DPP10: variants seen among roughly 807,000 people sequenced by gnomAD.
The protein encoded by DPP10 is inactive dipeptidyl peptidase 10.
A neutral mutation model predicts 120.9 loss-of-function variants in DPP10; 33 were observed. That is an observed-to-expected ratio of 0.27 (90% CI 0.21 to 0.37). DPP10 has a LOEUF of 0.37. Among genes scored for constraint, DPP10 ranks in the 10% least tolerant of loss-of-function variants. The pLI is 1.00. For missense variants in DPP10, 816 were observed against 942.8 expected, an observed-to-expected ratio of 0.87 and a Z score of 1.76; for synonymous variants, 337 against 326.1, an observed-to-expected ratio of 1.03 and a Z score of -0.36.
At chr2:114,924,172 C>A (rs1695420318) in intron 1 of DPP10, among the ~76,000 whole-genome samples, 1 of 152,152 alleles carries the variant, frequency 6.6e-6, no homozygotes. Context: ...CTAAAACCAG[C>A]TCATAATAGA....
intron 1 of DPP10, among the ~76,000 whole-genome samples, chr2:115,192,100 C>T (rs2054924505): frequency 6.6e-6 from 1 of 152,096 alleles, no homozygotes; most frequent in African/African-American, 2.4e-5. Flanking sequence ...ATATCCAGTA[C>T]CTGGGCTAAT....
chr2:114,918,079 A>G (rs1308818698), intron 1 of DPP10, among the ~76,000 whole-genome samples: 2 of 152,186 alleles, frequency 1.3e-5, no homozygotes, highest in Admixed American at 6.5e-5. Flanking sequence ...TATCAAGTCT[A>G]TAGAGAACTT....
At chr2:114,812,260 TAA>T (rs1685238145) in intron 1 of DPP10, among the ~76,000 whole-genome samples, 2 of 152,306 alleles carry the variant, frequency 1.3e-5, no homozygotes, top group East Asian at 3.9e-4. Flanking sequence ...TGCTGTATTT[TAA>T]AAGGTTCAGT....
intron 5 of DPP10, among the ~76,000 whole-genome samples, chr2:115,593,564 GA>G (rs1278774229): frequency 1.5e-5 from 2 of 131,448 alleles, no homozygotes; most frequent in African/African-American, 6.2e-5. Context: ...AAAAATGGAA[GA>G]AAAAATGGGA....
At chr2:115,803,895 G>C (rs1343120431) in intron 19 of DPP10, among the ~76,000 whole-genome samples, 1 of 152,052 alleles carries the variant, frequency 6.6e-6, no homozygotes, top group African/African-American at 2.4e-5. Context: ...TGGTGAATCT[G>C]ACAATTATGT....
At chr2:115,302,230 G>A (rs2061171203) in intron 1 of DPP10, among the ~76,000 whole-genome samples, 1 of 151,830 alleles carries the variant, frequency 6.6e-6, no homozygotes, top group African/African-American at 2.4e-5. Flanking sequence ...CATCCACCAG[G>A]CCCCTTCTCC....
intron 1 of DPP10, among the ~76,000 whole-genome samples, chr2:115,289,992 T>C (rs758934304): frequency 4.6e-5 from 7 of 151,904 alleles, no homozygotes; most frequent in Non-Finnish European, 7.4e-5. Flanking sequence ...TAAACATAAG[T>C]AAATGGGACC....
chr2:115,038,999 T>C (rs896141442), intron 1 of DPP10, among the ~76,000 whole-genome samples: 9 of 151,996 alleles, frequency 5.9e-5, no homozygotes, highest in Non-Finnish European at 1.0e-4. Context: ...GGAGGGTCAA[T>C]GGAAGTATGG....
chr2:114,487,105 T>C (rs1242254869), intron 1 of DPP10, among the ~76,000 whole-genome samples: 1 of 152,216 alleles, frequency 6.6e-6, no homozygotes, highest in Non-Finnish European at 1.5e-5. Context: ...CTTTCATAAC[T>C]AGCCTCTTGA....
intron 5 of DPP10, among the ~76,000 whole-genome samples, chr2:115,604,935 T>G (rs1181463652): frequency 1.3e-5 from 2 of 152,210 alleles, no homozygotes; most frequent in African/African-American, 2.4e-5. Flanking sequence ...ATATTTTCAG[T>G]TGCATTTTAC....
intron 1 of DPP10, among the ~76,000 whole-genome samples, chr2:115,269,819 G>T (rs2059613469): frequency 6.6e-6 from 1 of 152,242 alleles, no homozygotes; most frequent in South Asian, 2.1e-4. Flanking sequence ...ACCAGAAAGA[G>T]AATTTTGGGT....
chr2:114,517,049 G>A (rs1001633455), intron 1 of DPP10, among the ~76,000 whole-genome samples: 1 of 151,982 alleles, frequency 6.6e-6, no homozygotes. Flanking sequence ...TAACTTTAGG[G>A]TATTCTGTAT....
At chr2:115,694,599 A>G (rs949775497) in intron 7 of DPP10, among the ~76,000 whole-genome samples, 2 of 152,224 alleles carry the variant, frequency 1.3e-5, no homozygotes, top group East Asian at 3.8e-4. Flanking sequence ...GTTTTATTGA[A>G]TAGAAATGGT....
chr2:114,796,391 G>A (rs968933646), intron 1 of DPP10, among the ~76,000 whole-genome samples: 4 of 151,944 alleles, frequency 2.6e-5, no homozygotes, highest in African/African-American at 9.7e-5. Flanking sequence ...ATACAGTACT[G>A]TACTGTAAGT....
intron 1 of DPP10, among the ~76,000 whole-genome samples, chr2:115,275,701 CT>C (rs72078308): frequency 0.17 from 22,162 of 131,354 alleles, 1,653 homozygotes; most frequent in African/African-American, 0.33. Flanking sequence ...CTTTTCTTTT[CT>C]TTTTTTTTTT....
At chr2:115,505,587 A>C (rs1205724821) in intron 4 of DPP10, among the ~76,000 whole-genome samples, 1 of 152,176 alleles carries the variant, frequency 6.6e-6, no homozygotes, top group Non-Finnish European at 1.5e-5. Flanking sequence ...CAGTCAGTCC[A>C]TCTTGAGCAA....
At chr2:115,486,810 G>C (rs1230929385) in intron 3 of DPP10, among the ~76,000 whole-genome samples, 1 of 152,076 alleles carries the variant, frequency 6.6e-6, no homozygotes, top group Non-Finnish European at 1.5e-5. Context: ...TGTGAAAATT[G>C]CTGCTATTCA....
intron 2 of DPP10, among the ~76,000 whole-genome samples, chr2:115,311,996 T>G (rs1315388493): frequency 6.6e-6 from 1 of 152,018 alleles, no homozygotes; most frequent in Non-Finnish European, 1.5e-5. Context: ...TCTCAAGCAG[T>G]TCTCTTGCCT....
chr2:114,734,640 T>G (rs2105957916), intron 1 of DPP10, among the ~76,000 whole-genome samples: 1 of 152,348 alleles, frequency 6.6e-6, no homozygotes, highest in Non-Finnish European at 1.5e-5. Flanking sequence ...TCACTCATAT[T>G]TGGCTCAGAA....
Sources: gnomAD v4.1 joint callset for allele counts (sites outside exome capture counted in the v4.1 genomes callset) on GRCh38, gnomAD v4.1.1 for gene constraint, MANE v1.5 for transcripts, NCBI Gene and HGNC (gene_info 2026-07-23, HGNC 2026-07-21) for gene names.